The following SPATA1 variants were observed in gnomAD, a reference collection of about 807,000 sequenced individuals.
The protein encoded by SPATA1 is spermatogenesis-associated protein 1.
In SPATA1, 57 loss-of-function variants were observed where a neutral mutation model predicts 59.6. The ratio of observed to expected loss-of-function variants is 0.96; its 90% CI spans 0.77 to 1.19. The LOEUF (loss-of-function observed/expected upper bound fraction) is 1.19, where lower values mean the gene tolerates loss of function less well. SPATA1 is among the 50% of genes most tolerant of loss of function. The pLI, the probability that SPATA1 is intolerant of heterozygous loss-of-function variation, is 0.00. For missense variants in SPATA1, 448 were observed against 480.7 expected, an observed-to-expected ratio of 0.93 and a Z score of 0.64; for synonymous variants, 147 against 163.9, an observed-to-expected ratio of 0.90 and a Z score of 0.79.
chr1:84,550,474 G>T, exon 12 of SPATA1: 2 of 1,568,584 alleles, frequency 1.3e-6, no homozygotes, highest in African/African-American at 1.4e-5. Context: ...GCATGCAATT[G>T]ACCAGCTTAA....
chr1:84,544,491 A>G (rs905400343), intron 9 of SPATA1, among the ~76,000 whole-genome samples, 187 bp downstream of exon 9: 1 of 152,162 alleles, frequency 6.6e-6, no homozygotes, highest in Non-Finnish European at 1.5e-5. Flanking sequence ...ATTTAAAAAT[A>G]TTTTAAATGG....
At chr1:84,532,963 C>A in exon 7 of SPATA1, 1 of 1,548,940 alleles carries the variant, frequency 6.5e-7, no homozygotes, top group South Asian at 1.2e-5. Flanking sequence ...ATTGCTTTGG[C>A]ACTAAAAAAA....
At chr1:84,545,318 C>T (rs917567739) in intron 9 of SPATA1, among the ~76,000 whole-genome samples, 5 of 150,436 alleles carry the variant, frequency 3.3e-5, no homozygotes, top group Non-Finnish European at 5.9e-5. Context: ...ATTTTGAATC[C>T]CAGATAAATT....
chr1:84,516,604 T>G (rs1020404839), intron 2 of SPATA1, among the ~76,000 whole-genome samples: 1 of 152,192 alleles, frequency 6.6e-6, no homozygotes, highest in Non-Finnish European at 1.5e-5. Flanking sequence ...CCCCAATGCA[T>G]TGATCCTATC....
chr1:84,529,573 T>C (rs1342429742), intron 6 of SPATA1, among the ~76,000 whole-genome samples: 6 of 142,626 alleles, frequency 4.2e-5, no homozygotes, highest in Non-Finnish European at 9.1e-5. Flanking sequence ...GCAGGTAATA[T>C]GCCTTTTTTT....
At chr1:84,564,131 A>G (rs947170922) in intron 4 of SPATA1, among the ~76,000 whole-genome samples, 1 of 152,238 alleles carries the variant, frequency 6.6e-6, no homozygotes, top group Admixed American at 6.5e-5. Flanking sequence ...TATGCTAATT[A>G]TATCTATTAA....
intron 4 of SPATA1, chr1:84,563,847 G>C: frequency 6.3e-7 from 1 of 1,594,134 alleles, no homozygotes; most frequent in East Asian, 2.3e-5. Context: ...TCAAGCAGGA[G>C]AGAAAAAGCA....
intron 3 of SPATA1, among the ~76,000 whole-genome samples, chr1:84,521,299 T>C (rs555808489): frequency 1.3e-5 from 2 of 152,292 alleles, no homozygotes; most frequent in South Asian, 4.1e-4. Flanking sequence ...AAAGAACATG[T>C]GTTTATATGT....
intron 7 of SPATA1, 132 bp downstream of exon 7, chr1:84,533,106 T>C: frequency 1.7e-6 from 1 of 600,148 alleles, no homozygotes; most frequent in African/African-American, 1.9e-5. Flanking sequence ...TAATTAAAAT[T>C]ACCTTGATTC....
chr1:84,532,739 G>T, intron 6 of SPATA1, 121 bp from the exon 7 acceptor site: 1 of 631,214 alleles, frequency 1.6e-6, no homozygotes, highest in South Asian at 2.4e-5. Context: ...ATATAGGAAA[G>T]TTCATGGGGA....
intron 8 of SPATA1, among the ~76,000 whole-genome samples, chr1:84,538,188 A>G (rs1683775742): frequency 6.6e-6 from 1 of 152,246 alleles, no homozygotes; most frequent in Admixed American, 6.5e-5. Flanking sequence ...TGACAATTGT[A>G]GCTGCTACTC....
At chr1:84,560,463 G>A (rs762204420) in intron 4 of SPATA1, among the ~76,000 whole-genome samples, 7 of 152,112 alleles carry the variant, frequency 4.6e-5, no homozygotes, top group Admixed American at 6.5e-5. Flanking sequence ...TCCATACTTC[G>A]TTGAACCTAA....
At chr1:84,542,879 C>G (rs76384010) in intron 8 of SPATA1, among the ~76,000 whole-genome samples, 2 of 152,104 alleles carry the variant, frequency 1.3e-5, no homozygotes, top group African/African-American at 4.8e-5. Flanking sequence ...CTTTATCTGT[C>G]GTTCCAAGAC....
downstream of SPATA1, among the ~76,000 whole-genome samples, chr1:84,556,942 ATTATTGAAGAT>A (rs1684449095): frequency 6.6e-6 from 1 of 152,200 alleles, no homozygotes; most frequent in Admixed American, 6.5e-5. Flanking sequence ...AATATGACAG[ATTATTGAAGAT>A]TCAGGGGCAA....
At chr1:84,543,243 T>A (rs533076464) in intron 8 of SPATA1, among the ~76,000 whole-genome samples, 1 of 152,080 alleles carries the variant, frequency 6.6e-6, no homozygotes, top group East Asian at 1.9e-4. Context: ...CGAAGCATAA[T>A]TGAAAACAAT....
chr1:84,553,144 T>C, exon 13 of SPATA1: 1 of 1,353,682 alleles, frequency 7.4e-7, no homozygotes. Flanking sequence ...TTTAAAACTT[T>C]TATTTGTAAA....
chr1:84,524,830 T>C (rs1324952999), intron 4 of SPATA1, among the ~76,000 whole-genome samples: 3 of 152,210 alleles, frequency 2.0e-5, no homozygotes, highest in African/African-American at 7.2e-5. Context: ...CCATCCTAAA[T>C]TGAGTTTATT....
chr1:84,509,599 C>T (rs900668409), intron 1 of SPATA1, among the ~76,000 whole-genome samples: 2 of 152,024 alleles, frequency 1.3e-5, no homozygotes, highest in African/African-American at 4.8e-5. Context: ...AATCCTGTCT[C>T]TACTAAGAAT....
chr1:84,564,139 T>G (rs924470246), intron 4 of SPATA1, among the ~76,000 whole-genome samples: 1 of 152,218 alleles, frequency 6.6e-6, no homozygotes, highest in Admixed American at 6.5e-5. Flanking sequence ...TTATATCTAT[T>G]AATTCTAAGA....
Sources: allele counts gnomAD v4.1 joint callset (sites outside exome capture counted in the v4.1 genomes callset), GRCh38; gene constraint gnomAD v4.1.1; transcripts MANE v1.5; gene names NCBI Gene and HGNC (gene_info 2026-07-23, HGNC 2026-07-21).